Variants in ADAMTSL3 observed in about 807,000 individuals in gnomAD.
ADAMTSL3 encodes the protein ADAMTS like 3.
In ADAMTSL3, 128 loss-of-function variants were observed where a neutral mutation model predicts 201.7. The ratio of observed to expected loss-of-function variants is 0.63; its 90% CI spans 0.55 to 0.73. The LOEUF (loss-of-function observed/expected upper bound fraction) is 0.73. Among genes scored for constraint, ADAMTSL3 ranks in the 30% least tolerant of loss-of-function variants. ADAMTSL3 has a pLI of 0.00. For synonymous variants in ADAMTSL3, 738 were observed against 748.4 expected (o/e 0.99, Z 0.23); for missense variants, 1,990 against 2,119.6 (o/e 0.94, Z 1.20).
chr15:83,853,937 TATC>T (rs1472691900), intron 7 of ADAMTSL3, among the ~76,000 whole-genome samples: 1 of 151,996 alleles, frequency 6.6e-6, no homozygotes, highest in Non-Finnish European at 1.5e-5. Flanking sequence ...TCTATCTATC[TATC>T]TATCTATCTA....
chr15:83,733,906 A>G (rs1567107620), intron 3 of ADAMTSL3, among the ~76,000 whole-genome samples: 1 of 152,150 alleles, frequency 6.6e-6, no homozygotes, highest in Non-Finnish European at 1.5e-5. Context: ...CAACCACAAA[A>G]TGGCCCAGGG....
At chr15:83,880,576 G>A (rs1167238791) in intron 9 of ADAMTSL3, among the ~76,000 whole-genome samples, 1 of 152,180 alleles carries the variant, frequency 6.6e-6, no homozygotes, top group Non-Finnish European at 1.5e-5. Flanking sequence ...TTTGTCCATT[G>A]AGATATTGAT....
intron 3 of ADAMTSL3, chr15:83,717,423 C>T (rs2062034930): frequency 6.6e-6 from 1 of 152,174 alleles, no homozygotes; most frequent in Non-Finnish European, 1.5e-5. Context: ...TCTTCTGCTC[C>T]TCTGTGTTTG....
At chr15:83,872,598 C>CCACA (rs149299146) in intron 9 of ADAMTSL3, among the ~76,000 whole-genome samples, 2,844 of 46,500 alleles carry the variant, frequency 0.061, 44 homozygotes, top group Non-Finnish European at 0.086. Context: ...AAAATATACA[C>CCACA]CACACACACA....
intron 16 of ADAMTSL3, among the ~76,000 whole-genome samples, chr15:83,920,627 T>C (rs1005737131): frequency 6.6e-6 from 1 of 152,164 alleles, no homozygotes; most frequent in African/African-American, 2.4e-5. Flanking sequence ...ATCCTAGGCC[T>C]GTGTGTATGT....
At chr15:83,842,790 T>C (rs908028082) in intron 7 of ADAMTSL3, among the ~76,000 whole-genome samples, 1 of 152,088 alleles carries the variant, frequency 6.6e-6, no homozygotes, top group South Asian at 2.1e-4. Flanking sequence ...CAGGAAGGCA[T>C]GTGGATGAGG....
At chr15:83,803,554 C>T (rs2063555285) in intron 4 of ADAMTSL3, among the ~76,000 whole-genome samples, 1 of 152,064 alleles carries the variant, frequency 6.6e-6, no homozygotes, top group African/African-American at 2.4e-5. Context: ...TATGTAACTC[C>T]ATTGAAAAAT....
chr15:83,789,769 T>C (rs2063316878), intron 4 of ADAMTSL3, among the ~76,000 whole-genome samples: 1 of 152,148 alleles, frequency 6.6e-6, no homozygotes, highest in Non-Finnish European at 1.5e-5. Flanking sequence ...TCCAGAAAAT[T>C]ACTGTTTTAC....
intron 3 of ADAMTSL3, among the ~76,000 whole-genome samples, chr15:83,742,403 T>A (rs2062471164): frequency 6.6e-6 from 1 of 151,966 alleles, no homozygotes; most frequent in Admixed American, 6.6e-5. Context: ...ACTTCCAACT[T>A]ATGACAGTAG....
chr15:83,749,862 G>GT (rs1178712420), intron 3 of ADAMTSL3, among the ~76,000 whole-genome samples: 1 of 152,218 alleles, frequency 6.6e-6, no homozygotes, highest in Non-Finnish European at 1.5e-5. Flanking sequence ...TGACTTGACT[G>GT]TGTAGGTCTT....
intron 13 of ADAMTSL3, among the ~76,000 whole-genome samples, chr15:83,895,174 C>G (rs1181167589): frequency 6.6e-6 from 1 of 152,134 alleles, no homozygotes; most frequent in Non-Finnish European, 1.5e-5. Context: ...ATGTGATGGT[C>G]TATCATCAAA....
At chr15:84,017,451 C>T (rs1277552365) in intron 25 of ADAMTSL3, among the ~76,000 whole-genome samples, 4 of 152,140 alleles carry the variant, frequency 2.6e-5, no homozygotes, top group African/African-American at 7.2e-5. Flanking sequence ...ATGTTGTACT[C>T]GTTATATAGG....
At chr15:83,970,762 G>T (rs2067182220) in intron 20 of ADAMTSL3, 125 bp downstream of exon 20, 2 of 1,259,600 alleles carry the variant, frequency 1.6e-6, no homozygotes, top group East Asian at 2.4e-5. Flanking sequence ...GCTGTACTCA[G>T]TGTTGTTTTC....
At chr15:83,846,597 C>T (rs1229749473) in intron 7 of ADAMTSL3, among the ~76,000 whole-genome samples, 1 of 152,248 alleles carries the variant, frequency 6.6e-6, no homozygotes, top group East Asian at 1.9e-4. Flanking sequence ...GTTCCTAACC[C>T]AGGGTGCACA....
intron 3 of ADAMTSL3, among the ~76,000 whole-genome samples, chr15:83,720,427 G>A (rs997173190): frequency 6.6e-6 from 1 of 152,102 alleles, no homozygotes; most frequent in Non-Finnish European, 1.5e-5. Context: ...ATTAAAATAA[G>A]ATATATAATC....
chr15:83,988,123 A>G (rs1486835049), intron 21 of ADAMTSL3, among the ~76,000 whole-genome samples: 6 of 152,224 alleles, frequency 3.9e-5, no homozygotes, highest in African/African-American at 1.2e-4. Flanking sequence ...GAACTCATGC[A>G]GGTTAGCCCT....
Position 83,970,600 on chromosome 15 carries a change from C to G in ADAMTSL3, c.2607C>G (p.Leu869=), listed in dbSNP as rs144927515. 1 of 1,614,214 alleles carries G rather than the reference C, an allele frequency of 6.2e-7. No individual in the cohort carries two copies. The highest frequency in any genetic ancestry group is 1.1e-5 in the South Asian group (1 of 91,086). ...TGATGTGCAGGGATCTACCAGGGCTCCCTCTTGTAAGATCTTGCCAGATGC... is the reference window on the plus strand; with the variant it reads ...TGATGTGCAGGGATCTACCAGGGCTGCCTCTTGTAAGATCTTGCCAGATGC... ...SEMMCRDLPG[L]PLVRSCQMPE... The change falls in exon 20 of 30, where the codon CTC becomes CTG. Residue 869 remains leucine, a synonymous_variant. Transcript: ENST00000286744.
chr15:83,664,258 T>TC (rs2061217476), intron 2 of ADAMTSL3, among the ~76,000 whole-genome samples: 1 of 150,934 alleles, frequency 6.6e-6, no homozygotes, highest in Admixed American at 6.8e-5. Context: ...TGTTTCTTTC[T>TC]TTTTCTTTTC....
intron 16 of ADAMTSL3, among the ~76,000 whole-genome samples, chr15:83,919,688 T>C (rs1328566170): frequency 1.3e-5 from 2 of 152,062 alleles, no homozygotes; most frequent in Non-Finnish European, 2.9e-5. Flanking sequence ...TGGGTGTGGG[T>C]GAAGGGTGGT....
Sources: gnomAD v4.1 joint callset for allele counts (sites outside exome capture counted in the v4.1 genomes callset) on GRCh38, gnomAD v4.1.1 for gene constraint, MANE v1.5 for transcripts, NCBI Gene and HGNC (gene_info 2026-07-23, HGNC 2026-07-21) for gene names.